The following IST1 variants were observed in gnomAD, a reference collection of about 807,000 sequenced individuals.
The protein encoded by IST1 is IST1 factor associated with ESCRT-III.
Under a neutral mutation model 37.0 loss-of-function variants are expected in IST1, and 23 were observed. The ratio of observed to expected loss-of-function variants is 0.62; its 90% confidence interval spans 0.45 to 0.88. IST1 has a LOEUF of 0.88. Ranked by LOEUF, IST1 falls within the 40% of genes least tolerant of loss-of-function variation. IST1 has a pLI of 0.00. For synonymous variants in IST1, 180 were observed against 161.7 expected, an observed-to-expected ratio of 1.11 and a Z score of -0.86; for missense variants, 488 against 445.4, an observed-to-expected ratio of 1.10 and a Z score of -0.86.
At chr16:71,894,698 CTTT>C (rs35889170), upstream of IST1, 1,121 of 440,816 alleles carry the variant, frequency 2.5e-3, no homozygotes, top group Middle Eastern at 3.4e-3. Flanking sequence ...TAATTTTTAA[CTTT>C]TTTTTTTTTT....
intron 6 of IST1, among the ~76,000 whole-genome samples, chr16:71,922,148 A>C (rs1222738786): frequency 1.3e-5 from 2 of 152,114 alleles, no homozygotes; most frequent in Non-Finnish European, 2.9e-5. Context: ...TCAAAAAAAA[A>C]AACCATCCGC....
At chr16:71,908,460 C>T (rs953067884) in intron 1 of IST1, among the ~76,000 whole-genome samples, 6 of 151,938 alleles carry the variant, frequency 3.9e-5, no homozygotes, top group African/African-American at 1.2e-4. Flanking sequence ...CCACCACGCC[C>T]GGATAATTTT....
At chr16:71,895,506 T>G, upstream of IST1, 1 of 985,680 alleles carries the variant, frequency 1.0e-6, no homozygotes, top group Non-Finnish European at 1.2e-6. Flanking sequence ...CCCGCGCTTG[T>G]TGTGCTGAGG....
At position 71,923,350 on chromosome 16, in the gene IST1, G is replaced by C. The variant is rs149549103; in HGVS notation, c.822G>C (p.Gln274His). 6.2e-7 allele frequency: 1 copy of C among 1,611,176 alleles called. No homozygotes were observed. Among genetic ancestry groups the C allele is most frequent in the African/African-American group, 1.3e-5 (1 of 74,938 alleles). ...YQAFPNIHPP[Q>H]IPATPPSYES... ...CCTTTCCCAATATTCATCCACCTCA[G>C]ATACCAGCAACTCCCCCATCGTATG... Residue 274 changes from glutamine (Q) to histidine (H), a missense_variant, in exon 8 of 10, where the codon CAG (glutamine) becomes CAC (histidine). Gln to His is a conservative substitution (Grantham distance 24). Around this residue, in one of 2 missense-constraint regions of IST1, gnomAD observed 455 missense variants for 386.2 expected, o/e 1.18. Transcript: ENST00000378799.
At chr16:71,923,628 TAGAA>T in intron 8 of IST1, 1 of 345,098 alleles carries the variant, frequency 2.9e-6, no homozygotes, top group Non-Finnish European at 5.3e-6. Context: ...GCAGATTTCT[TAGAA>T]AGTTGTAGTG....
chr16:71,921,873 C>G (rs1038219738), intron 6 of IST1: 2 of 196,366 alleles, frequency 1.0e-5, no homozygotes, highest in East Asian at 2.7e-4. Flanking sequence ...GTGGCTGGCT[C>G]ACGCCTGTAA....
chr16:71,930,254 C>A lies in IST1; in HGVS notation c.*2441C>A. ...ATACTTTACAAACATAAGCTATATGCTAGTGTTTGGGATCTTATCAGAAGA... is the reference window on the plus strand; with the variant it reads ...ATACTTTACAAACATAAGCTATATGATAGTGTTTGGGATCTTATCAGAAGA... On this transcript the variant is annotated 3_prime_UTR_variant, in exon 10 of 10. Transcript: ENST00000378799. The A allele has an allele frequency of 7.1e-7, 1 of 1,406,052 alleles. No homozygotes were observed. Among genetic ancestry groups the A allele is most frequent in the South Asian group, 1.7e-5 (1 of 60,242 alleles). 87.1% of individuals were successfully genotyped at this position (1,406,052 alleles called of 1,614,324 possible).
intron 8 of IST1, 72 bp from the exon 9 acceptor site, chr16:71,924,697 C>A: frequency 8.4e-7 from 1 of 1,189,084 alleles, no homozygotes; most frequent in Non-Finnish European, 1.3e-6. Flanking sequence ...TTTGGAAACA[C>A]AGGGGCTTAC....
intron 4 of IST1, among the ~76,000 whole-genome samples, chr16:71,918,005 G>T (rs2037502901): frequency 6.6e-6 from 1 of 152,148 alleles, no homozygotes; most frequent in Non-Finnish European, 1.5e-5. Context: ...AAGGAGATTG[G>T]AACCTCTCGT....
At position 71,921,361 on chromosome 16, in the gene IST1, G is replaced by T; in HGVS notation, c.460G>T (p.Val154Leu). The T allele has an allele frequency of 6.2e-7, 1 of 1,612,052 alleles. No individual in the cohort carries two copies. The highest frequency in any genetic ancestry group is 8.5e-7 in the Non-Finnish European group (1 of 1,178,758). The change falls in exon 6 of 10, where the codon GTG becomes TTG. Residue 154 changes from valine to leucine, a missense_variant. By Grantham distance (32) the Val-to-Leu change is conservative. Transcript: ENST00000378799. ...VNDRLMHKLS[V>L]EAPPKILVER... The stretch of plus-strand genomic sequence containing the variant: ...CTTACAGCTAATGCACAAGCTGAGT[G>T]TGGAAGCCCCACCCAAAATCCTGGT...
In IST1 at chr16:71,916,560, G is replaced by C; in HGVS notation, c.187G>C (p.Asp63His). 1 of 1,614,016 alleles carries C rather than the reference G, an allele frequency of 6.2e-7. No individual in the cohort carries two copies. Among genetic ancestry groups the C allele is most frequent in the Non-Finnish European group, 8.5e-7 (1 of 1,179,880 alleles). The change falls in exon 3 of 10, where the codon GAC becomes CAC. Residue 63 changes from aspartate to histidine, a missense_variant. Around this residue, in one of 2 missense-constraint regions of IST1, gnomAD observed 455 missense variants for 386.2 expected, o/e 1.18. Transcript: ENST00000378799. ...RIRVEHIIRE[D>H]YLVEAMEILE... The stretch of plus-strand genomic sequence containing the variant: ...CCGTGTGGAGCACATTATCCGGGAA[G>C]ACTACCTCGTGGAGGCCATGGAGAT...
chr16:71,896,124 T>G (rs2036964589), intron 1 of IST1, among the ~76,000 whole-genome samples: 1 of 152,176 alleles, frequency 6.6e-6, no homozygotes, highest in African/African-American at 2.4e-5. Flanking sequence ...AAATTACAAT[T>G]TCTTTCGCTG....
At chr16:71,899,810 T>G (rs1416199615) in intron 1 of IST1, among the ~76,000 whole-genome samples, 1 of 151,914 alleles carries the variant, frequency 6.6e-6, no homozygotes, top group Non-Finnish European at 1.5e-5. Context: ...GATCACAAGG[T>G]CAGGAGATCG....
chr16:71,921,449 T>A lies in IST1; in HGVS notation c.548T>A (p.Val183Asp). Residue 183 changes from valine to aspartate, a missense_variant, in exon 6 of 10, where the codon GTC (valine) becomes GAC (aspartate). Val to Asp is a radical substitution (Grantham distance 152, BLOSUM62 -3). This residue lies in a region of IST1 where 455 missense variants were observed against 386.2 expected (regional missense o/e 1.18). Transcript: ENST00000378799. ...GTACCCTATGAACCTGACTCTGTGG[T>A]CATGGTAAGTTTATCCCAGAATACA... is the stretch of plus-strand genomic sequence containing the variant. ...YNVPYEPDSVVMAEAPPGVET... is the reference protein window; with the variant it reads ...YNVPYEPDSVDMAEAPPGVET... 6.3e-7 allele frequency: 1 copy of A among 1,587,060 alleles called. No individual in the cohort carries two copies.
At chr16:71,909,960 A>G (rs1467199707) in intron 1 of IST1, among the ~76,000 whole-genome samples, 2 of 152,194 alleles carry the variant, frequency 1.3e-5, no homozygotes, top group Admixed American at 6.5e-5. Flanking sequence ...AAGTTGGATA[A>G]TGTTCCTTAG....
chr16:71,927,060 C>T (rs1481660298), intron 9 of IST1, among the ~76,000 whole-genome samples: 2 of 152,186 alleles, frequency 1.3e-5, no homozygotes, highest in African/African-American at 4.8e-5. Flanking sequence ...AAGGAACAGT[C>T]GATTGCTCTG....
At position 71,929,354 on chromosome 16, in the gene IST1, A is replaced by C; in HGVS notation, c.*1541A>C. 1.8e-6 allele frequency: 1 copy of C among 553,190 alleles called. No individual in the cohort carries two copies. Among genetic ancestry groups the C allele is most frequent in the East Asian group, 3.2e-5 (1 of 31,014 alleles). 34.3% of individuals were successfully genotyped at this position (553,190 alleles called of 1,614,324 possible). ...TGGCAGCAGAGCTAGTTTGTCTCGT[A>C]GTATTCTTGCATTGTTAATCCTATC... On this transcript the variant is annotated 3_prime_UTR_variant, in exon 10 of 10. Coordinates refer to ENST00000378799, the MANE Select transcript of IST1 (RefSeq NM_001270975.2).
intron 5 of IST1, chr16:71,921,134 G>A: frequency 1.7e-6 from 1 of 598,174 alleles, no homozygotes; most frequent in South Asian, 2.0e-5. Flanking sequence ...TCTTTTGCCA[G>A]CATCTGGGTC....
chr16:71,914,562 C>T (rs553312778), intron 1 of IST1, among the ~76,000 whole-genome samples: 2 of 152,272 alleles, frequency 1.3e-5, no homozygotes, highest in African/African-American at 4.8e-5. Context: ...AATTTAATTA[C>T]TGGATTCCAG....
Sources: allele counts gnomAD v4.1 joint callset (sites outside exome capture counted in the v4.1 genomes callset), GRCh38; gene constraint gnomAD v4.1.1; regional missense constraint gnomAD v4.1.1; transcripts MANE v1.5; gene names NCBI Gene and HGNC (gene_info 2026-07-23, HGNC 2026-07-21).